Variants in RNF115 observed in about 807,000 individuals in gnomAD.
The protein encoded by RNF115 is E3 ubiquitin-protein ligase RNF115.
In RNF115, 31 loss-of-function variants were observed where a neutral mutation model predicts 39.2. The observed-to-expected ratio is 0.79, with a 90% CI of 0.59 to 1.07. RNF115 has a LOEUF of 1.07. RNF115 is among the 50% of genes least tolerant of loss of function. The pLI is 0.00. For missense variants in RNF115, 384 were observed against 381.7 expected, an observed-to-expected ratio of 1.01 and a Z score of -0.05; for synonymous variants, 124 against 131.0, an observed-to-expected ratio of 0.95 and a Z score of 0.37.
At chr1:145,765,234 G>A (rs1436431658) in intron 4 of RNF115, among the ~76,000 whole-genome samples, 1 of 152,098 alleles carries the variant, frequency 6.6e-6, no homozygotes, top group Non-Finnish European at 1.5e-5. Flanking sequence ...TGCTTGTTAA[G>A]AGTCATCACC....
intron 1 of RNF115, among the ~76,000 whole-genome samples, chr1:145,815,617 C>T (rs2797048): frequency 0.33 from 42,178 of 129,000 alleles, 6,813 homozygotes; most frequent in Non-Finnish European, 0.4. Context: ...CAATGTAGCA[C>T]ACTAACTCCA....
At position 145,745,335 on chromosome 1, in the gene RNF115, A is replaced by C. The variant is rs918425733; in HGVS notation, c.*1531T>G. 1 of 152,284 alleles carries C rather than the reference A, an allele frequency of 6.6e-6. No homozygotes were observed. The highest frequency in any genetic ancestry group is 2.1e-4 in the South Asian group (1 of 4,822). 9.4% of individuals were successfully genotyped at this position (152,284 alleles called of 1,614,324 possible). On this transcript the variant is annotated 3_prime_UTR_variant, in exon 9 of 9. Coordinates refer to ENST00000582693, the MANE Select transcript of RNF115 (RefSeq NM_014455.4). ...GTGGCACACGCCTGTAGTCCCAGCC[A>C]CTTGGTAGGCTGAGGTGGGAGGATC...
intron 1 of RNF115, among the ~76,000 whole-genome samples, chr1:145,789,262 C>G (rs1648542729): frequency 6.6e-6 from 1 of 152,070 alleles, no homozygotes; most frequent in Admixed American, 6.5e-5. Flanking sequence ...GCCAACATAC[C>G]TAATTTTTTT....
chr1:145,774,406 G>A (rs587630890), intron 3 of RNF115, among the ~76,000 whole-genome samples: 1 of 151,506 alleles, frequency 6.6e-6, no homozygotes, highest in African/African-American at 2.4e-5. Context: ...CTGGGGTGCA[G>A]TGGCACGATC....
At chr1:145,760,698 A>G (rs1440425268) in intron 4 of RNF115, among the ~76,000 whole-genome samples, 1 of 152,182 alleles carries the variant, frequency 6.6e-6, no homozygotes, top group African/African-American at 2.4e-5. Context: ...AGTCTTGGGT[A>G]TGTCTTTATC....
Position 145,741,100 on chromosome 1 carries a change from A to G in RNF115, c.*5766T>C, listed in dbSNP as rs1657679875. On this transcript the variant is annotated 3_prime_UTR_variant, in exon 9 of 9. Transcript: ENST00000582693. ...TGATCTGCCTGCCTCAGCCTTCCAAAATGCTGAGATTACAGGCATGAGCCA... is the reference window on the plus strand; with the variant it reads ...TGATCTGCCTGCCTCAGCCTTCCAAGATGCTGAGATTACAGGCATGAGCCA... 6.6e-6 allele frequency: 1 copy of G among 152,210 alleles called. No homozygotes were observed. The highest frequency in any genetic ancestry group is 1.5e-5 in the Non-Finnish European group (1 of 68,026). The allele number at this position is 152,210 out of a possible 1,614,324, so 9.4% of individuals were successfully genotyped here.
intron 4 of RNF115, among the ~76,000 whole-genome samples, chr1:145,761,009 A>C (rs1164643757): frequency 6.6e-6 from 1 of 152,206 alleles, no homozygotes; most frequent in East Asian, 1.9e-4. Flanking sequence ...GTTATGTTTT[A>C]ACAAAGAGAC....
intron 1 of RNF115, among the ~76,000 whole-genome samples, chr1:145,789,608 G>C (rs1553718652): frequency 6.7e-6 from 1 of 149,054 alleles, no homozygotes; most frequent in East Asian, 2.0e-4. Flanking sequence ...ATGTTGGTCA[G>C]GCTAGTCTCG....
chr1:145,809,410 A>T (rs1570690762), intron 1 of RNF115, among the ~76,000 whole-genome samples: 1 of 146,846 alleles, frequency 6.8e-6, no homozygotes, highest in African/African-American at 2.5e-5. Context: ...CAAACTCCCG[A>T]CCTCAGGTGA....
chr1:145,784,538 C>G lies in RNF115; in HGVS notation c.219+1G>C. ...ATTCCTACAGCTAAAGGAAAACTTA[C>G]CTCTGCAAAATGTGTTGTTGTGGTA... On this transcript the variant is annotated splice_donor_variant, in intron 3 of 8. Transcript: ENST00000582693. LOFTEE classifies it high-confidence loss of function. 1 of 1,613,708 alleles carries G rather than the reference C, an allele frequency of 6.2e-7. No homozygotes were observed. The highest frequency in any genetic ancestry group is 8.5e-7 in the Non-Finnish European group (1 of 1,179,678).
At chr1:145,794,831 C>T (rs57033976) in intron 1 of RNF115, among the ~76,000 whole-genome samples, 317 of 151,830 alleles carry the variant, frequency 2.1e-3, no homozygotes, top group African/African-American at 7.0e-3. Context: ...TCCTGGCTAA[C>T]ACGGTGAAAC....
intron 7 of RNF115, 150 bp downstream of exon 7, chr1:145,750,257 G>A (rs1400980942): frequency 3.1e-6 from 2 of 641,634 alleles, no homozygotes; most frequent in Non-Finnish European, 5.3e-6. Flanking sequence ...TTCACTTAAA[G>A]GTCCTTAATA....
At chr1:145,775,396 CTTT>C (rs782425915) in intron 3 of RNF115, among the ~76,000 whole-genome samples, 17 of 137,054 alleles carry the variant, frequency 1.2e-4, no homozygotes, top group Non-Finnish European at 1.6e-4. Flanking sequence ...TGAATGTGGC[CTTT>C]TTTTTTTTTT....
chr1:145,794,995 T>G (rs782675882), intron 1 of RNF115, among the ~76,000 whole-genome samples: 2 of 129,896 alleles, frequency 1.5e-5, no homozygotes, highest in African/African-American at 2.9e-5. Flanking sequence ...CCAGCCTGGG[T>G]GACAGAGCGA....
At chr1:145,777,845 C>T (rs992520071) in intron 3 of RNF115, among the ~76,000 whole-genome samples, 2 of 152,206 alleles carry the variant, frequency 1.3e-5, no homozygotes, top group Admixed American at 1.3e-4. Flanking sequence ...AAATAAAAAA[C>T]AGGATGGACA....
chr1:145,800,195 T>A (rs185561682), intron 1 of RNF115, among the ~76,000 whole-genome samples: 1 of 152,294 alleles, frequency 6.6e-6, no homozygotes, highest in Non-Finnish European at 1.5e-5. Context: ...TAAAAGTAGA[T>A]CAGAAGTAAT....
chr1:145,788,764 G>A (rs782421910), intron 2 of RNF115, 144 bp downstream of exon 2: 5 of 731,228 alleles, frequency 6.8e-6, no homozygotes, highest in South Asian at 5.8e-5. Context: ...TCTTGTGCAA[G>A]CTCATGCACT....
chr1:145,752,944 A>C, intron 5 of RNF115, 34 bp downstream of exon 5: 1 of 1,437,288 alleles, frequency 7.0e-7, no homozygotes, highest in South Asian at 1.1e-5. Context: ...ATGTCACTCC[A>C]ATAGAGTAAG....
chr1:145,760,060 C>A (rs1553713650), intron 4 of RNF115, among the ~76,000 whole-genome samples: 1 of 152,170 alleles, frequency 6.6e-6, no homozygotes, highest in African/African-American at 2.4e-5. Flanking sequence ...TCCACGAGGG[C>A]AGTCATTCTT....
Sources: allele counts gnomAD v4.1 joint callset (sites outside exome capture counted in the v4.1 genomes callset), GRCh38; gene constraint gnomAD v4.1.1; transcripts MANE v1.5; gene names NCBI Gene and HGNC (gene_info 2026-07-23, HGNC 2026-07-21).